Variants in ZSCAN2 observed in about 807,000 individuals in gnomAD.
The protein encoded by ZSCAN2 is zinc finger and SCAN domain containing 2.
ZSCAN2 carries 26 observed loss-of-function variants against 47.8 expected under a neutral mutation model. That is an observed-to-expected ratio of 0.54 (90% CI 0.40 to 0.75). The LOEUF (loss-of-function observed/expected upper bound fraction) is 0.75, where lower values mean the gene tolerates loss of function less well. ZSCAN2 is among the 30% of genes least tolerant of loss of function. The pLI, the probability that ZSCAN2 is intolerant of heterozygous loss-of-function variation, is 0.00. For missense variants in ZSCAN2, 732 were observed against 785.4 expected, an observed-to-expected ratio of 0.93 and a Z score of 0.81; for synonymous variants, 305 against 288.7, an observed-to-expected ratio of 1.06 and a Z score of -0.57.
intron 2 of ZSCAN2, among the ~76,000 whole-genome samples, chr15:84,608,359 G>C (rs1034215977): frequency 6.6e-6 from 1 of 151,726 alleles, no homozygotes; most frequent in Non-Finnish European, 1.5e-5. Flanking sequence ...GTGAAACCCT[G>C]TCTCTGCTAA....
chr15:84,611,229 A>G (rs1428637559), intron 2 of ZSCAN2, among the ~76,000 whole-genome samples: 11 of 152,076 alleles, frequency 7.2e-5, no homozygotes, highest in Admixed American at 2.0e-4. Context: ...CCCAGGAGAC[A>G]GAGATCACGC....
At chr15:84,617,404 C>T (rs1397247648) in intron 2 of ZSCAN2, among the ~76,000 whole-genome samples, 1 of 152,134 alleles carries the variant, frequency 6.6e-6, no homozygotes, top group Admixed American at 6.5e-5. Context: ...CCACTGCACT[C>T]CAGCCTGGGT....
chr15:84,612,065 C>T (rs1895565585), intron 2 of ZSCAN2: 1 of 152,264 alleles, frequency 6.6e-6, no homozygotes, highest in African/African-American at 2.4e-5. Flanking sequence ...GACTCACCTG[C>T]CCTTGAACGT....
At chr15:84,618,246 C>T (rs573253758) in intron 2 of ZSCAN2, among the ~76,000 whole-genome samples, 58 of 152,106 alleles carry the variant, frequency 3.8e-4, no homozygotes, top group African/African-American at 1.3e-3. Flanking sequence ...AGTGAAACCC[C>T]ATCTCTACTA....
At chr15:84,602,548 TTA>T (rs1351591920) in intron 1 of ZSCAN2, among the ~76,000 whole-genome samples, 1 of 151,910 alleles carries the variant, frequency 6.6e-6, no homozygotes, top group Non-Finnish European at 1.5e-5. Context: ...GTAGCCATTA[TTA>T]TAGCACAGTT....
In ZSCAN2 at chr15:84,622,792, C is replaced by G; in HGVS notation, c.*752C>G. The stretch of plus-strand genomic sequence containing the variant: ...GCTTGCTTTTGTCTCTGCCTACTGT[C>G]CTGTGGTAGATCAGCTACCAGGGGA... On this transcript the variant is annotated 3_prime_UTR_variant, in exon 3 of 3. Transcript: ENST00000546148. 1.5e-6 allele frequency: 1 copy of G among 669,404 alleles called. No homozygotes were observed. The highest frequency in any genetic ancestry group is 2.7e-6 in the Non-Finnish European group (1 of 363,870). 41.5% of individuals were successfully genotyped at this position (669,404 alleles called of 1,614,324 possible). A position where few individuals can be genotyped will look rare whatever the true frequency, so the allele number is the denominator to read the frequency against.
intron 2 of ZSCAN2, among the ~76,000 whole-genome samples, chr15:84,612,958 C>T (rs1290616234): frequency 6.6e-6 from 1 of 152,136 alleles, no homozygotes; most frequent in Non-Finnish European, 1.5e-5. Flanking sequence ...TTTGATGCTG[C>T]TATTTGGGTT....
At chr15:84,618,690 T>A (rs551597822) in intron 2 of ZSCAN2, among the ~76,000 whole-genome samples, 53 of 152,070 alleles carry the variant, frequency 3.5e-4, no homozygotes, top group African/African-American at 1.1e-3. Context: ...GCCTCCCAAG[T>A]AGCTGGGATT....
Position 84,604,102 on chromosome 15 carries a change from A to C in ZSCAN2, c.175A>C (p.Ser59Arg). The stretch of plus-strand genomic sequence containing the variant: ...CCCTGAGTCTGAGCCCTTTCCCCAG[A>C]GTGCTGGCAAGGGCGGCCCCCAGGA... ...DGPESEPFPQ[S>R]AGKGGPQEEV... The change falls in exon 2 of 3, where the codon AGT becomes CGT. Residue 59 changes from serine (S) to arginine (R), a missense_variant. Physicochemically the swap from Ser to Arg is moderately radical, Grantham distance 110 (BLOSUM62 -1). Coordinates refer to ENST00000546148, the MANE Select transcript of ZSCAN2 (RefSeq NM_181877.4). 2 of 1,614,114 alleles carry C rather than the reference A, an allele frequency of 1.2e-6. No individual in the cohort carries two copies. Among genetic ancestry groups the C allele is most frequent in the Non-Finnish European group, 8.5e-7 (1 of 1,180,002 alleles).
intron 2 of ZSCAN2, among the ~76,000 whole-genome samples, chr15:84,613,134 C>T (rs1367693774): frequency 6.6e-6 from 1 of 152,064 alleles, no homozygotes; most frequent in South Asian, 2.1e-4. Context: ...AGAGGCCAAC[C>T]GTATTGTATG....
At chr15:84,610,762 CA>C in intron 2 of ZSCAN2, among the ~76,000 whole-genome samples, 1 of 152,242 alleles carries the variant, frequency 6.6e-6, no homozygotes, top group East Asian at 1.9e-4. Context: ...GCAGGGATTA[CA>C]GGCGTGAGCC....
At chr15:84,603,432 G>C (rs891469579) in intron 1 of ZSCAN2, among the ~76,000 whole-genome samples, 2 of 150,624 alleles carry the variant, frequency 1.3e-5, no homozygotes, top group Non-Finnish European at 2.9e-5. Flanking sequence ...GCAGTGGCGA[G>C]ATCTGTGCTC....
Position 84,621,470 on chromosome 15 carries a change from A to G in ZSCAN2, c.1275A>G (p.Lys425=), listed in dbSNP as rs780677162. ...EKPYQCSECG[K]SFSRSSNLAT... The stretch of plus-strand genomic sequence containing the variant: ...CCTACCAGTGCAGCGAGTGTGGGAA[A>G]AGCTTCAGCCGCAGCTCTAACCTGG... The change falls in exon 3 of 3, where the codon AAA becomes AAG. Residue 425 remains lysine, a synonymous_variant. Transcript: ENST00000546148. This position sits in a 1 kb window ranked among gnomAD's most constrained non-coding sequence, Gnocchi z 5.7. 1 of 1,613,646 alleles carries G rather than the reference A, an allele frequency of 6.2e-7. No homozygotes were observed. Among genetic ancestry groups the G allele is most frequent in the Non-Finnish European group, 8.5e-7 (1 of 1,179,876 alleles).
At chr15:84,602,360 A>G (rs1341629171) in intron 1 of ZSCAN2, 1 of 152,196 alleles carries the variant, frequency 6.6e-6, no homozygotes, top group Non-Finnish European at 1.5e-5. Context: ...ATCTTAAATC[A>G]TTAATGATTA....
At chr15:84,608,800 A>G (rs146717087) in intron 2 of ZSCAN2, among the ~76,000 whole-genome samples, 7 of 152,298 alleles carry the variant, frequency 4.6e-5, no homozygotes, top group East Asian at 1.9e-4. Context: ...GAGCACTGCC[A>G]TAGAGCTTTG....
At chr15:84,616,533 G>T (rs1426771631) in intron 2 of ZSCAN2, 2 of 1,331,062 alleles carry the variant, frequency 1.5e-6, no homozygotes, top group East Asian at 5.8e-5. Flanking sequence ...TGCTGTTTTG[G>T]GAAGCCCTGA....
intron 2 of ZSCAN2, chr15:84,612,139 G>A (rs1185647976): frequency 2.0e-5 from 3 of 152,346 alleles, no homozygotes; most frequent in Non-Finnish European, 4.4e-5. Context: ...GAGGGGGCCA[G>A]GGATCCCTTA....
Position 84,623,685 on chromosome 15 carries a change from A to C in ZSCAN2, c.*1645A>C, listed in dbSNP as rs1895862002. On this transcript the variant is annotated 3_prime_UTR_variant, in exon 3 of 3. Coordinates refer to ENST00000546148, the MANE Select transcript of ZSCAN2 (RefSeq NM_181877.4). ...CTTAGTTCTTATAGGATGGATGCTC[A>C]GTATTCCTTAATAAAGTAGAGTTCC... 1 of 167,054 alleles carries C rather than the reference A, an allele frequency of 6.0e-6. No individual in the cohort carries two copies. Among genetic ancestry groups the C allele is most frequent in the African/African-American group, 2.4e-5 (1 of 41,436 alleles). The allele number at this position is 167,054 out of a possible 1,614,324, so 10.3% of individuals were successfully genotyped here.
chr15:84,606,757 T>C (rs1454413276), intron 2 of ZSCAN2: 2 of 1,371,768 alleles, frequency 1.5e-6, no homozygotes, highest in Admixed American at 7.0e-5. Flanking sequence ...CTTTCATCTT[T>C]AACTGGGCAC....
Sources: gnomAD v4.1 joint callset for allele counts (sites outside exome capture counted in the v4.1 genomes callset) on GRCh38, gnomAD v4.1.1 for gene constraint, Gnocchi (gnomAD v3.1) non-coding constraint, MANE v1.5 for transcripts, NCBI Gene and HGNC (gene_info 2026-07-23, HGNC 2026-07-21) for gene names.